TADA2B: variants seen among roughly 807,000 people sequenced by gnomAD.
The protein encoded by TADA2B is transcriptional adaptor 2B, also known as transcriptional adapter 2-beta.
TADA2B carries 13 observed loss-of-function variants against 34.5 expected under a neutral mutation model. The ratio of observed to expected loss-of-function variants is 0.38; its 90% CI spans 0.25 to 0.60. The LOEUF (loss-of-function observed/expected upper bound fraction) is 0.60, where lower values mean the gene tolerates loss of function less well. TADA2B is among the 20% of genes least tolerant of loss of function. TADA2B has a pLI of 0.65. For missense variants in TADA2B, 442 were observed against 575.0 expected, an observed-to-expected ratio of 0.77 and a Z score of 2.37; for synonymous variants, 240 against 243.4, an observed-to-expected ratio of 0.99 and a Z score of 0.13.
intron 1 of TADA2B, among the ~76,000 whole-genome samples, chr4:7,050,097 C>T (rs182355150): frequency 6.6e-5 from 10 of 152,376 alleles, no homozygotes; most frequent in Admixed American, 5.9e-4. Flanking sequence ...GCGGAGTGGC[C>T]AGGCAGGTGA....
chr4:7,050,679 C>T (rs879846102), intron 1 of TADA2B, among the ~76,000 whole-genome samples: 11 of 152,166 alleles, frequency 7.2e-5, no homozygotes, highest in African/African-American at 9.7e-5. Flanking sequence ...TCGGGCACGA[C>T]GCCGGGCGCA....
rs1723843113 is a variant in TADA2B, at chr4:7,054,497, G to C, written c.706G>C (p.Asp236His). 1.2e-6 allele frequency: 2 copies of C among 1,613,772 alleles called. No homozygotes were observed. The highest frequency in any genetic ancestry group is 1.7e-6 in the Non-Finnish European group (2 of 1,179,912). ...TCTGGTGCCAGCCTTCCTGGGGAAG[G>C]ACAAGAAGGAGAAGGAAAAGGCGCT... ...YNLVPAFLGK[D>H]KKEKEKALKR... The change falls in exon 2 of 2, where the codon GAC becomes CAC. Residue 236 changes from aspartate to histidine, a missense_variant. Transcript: ENST00000310074.
intron 1 of TADA2B, among the ~76,000 whole-genome samples, chr4:7,047,596 C>T (rs1445009009): frequency 6.6e-6 from 1 of 152,256 alleles, no homozygotes; most frequent in African/African-American, 2.4e-5. Context: ...TGTGCGCCAG[C>T]CCCTGTGGTG....
Position 7,054,644 on chromosome 4 carries a change from C to T in TADA2B, c.853C>T (p.Arg285Trp). 4 of 1,613,830 alleles carry T rather than the reference C, an allele frequency of 2.5e-6. No homozygotes were observed. Among genetic ancestry groups the T allele is most frequent in the Non-Finnish European group, 2.5e-6 (3 of 1,179,870 alleles). The change falls in exon 2 of 2, where the codon CGG becomes TGG. Residue 285 changes from arginine (R) to tryptophan (W), a missense_variant. This residue lies in a region of TADA2B where 222 missense variants were observed against 235.2 expected (regional missense o/e 0.94). Transcript: ENST00000310074. The stretch of plus-strand genomic sequence containing the variant: ...AAACATGCACAAAGAAAAAATGCTC[C>T]GGGCCAAGATCCGAGAACTGCAGCG... ...FENMHKEKML[R>W]AKIRELQRYR...
Position 7,043,729 on chromosome 4 carries a change from C to G in TADA2B, c.150C>G (p.Gly50=). 5 of 1,589,708 alleles carry G rather than the reference C, an allele frequency of 3.1e-6. No individual in the cohort carries two copies. Among genetic ancestry groups the G allele is most frequent in the Non-Finnish European group, 4.3e-6 (5 of 1,173,524 alleles). Residue 50 remains glycine, a synonymous_variant, in exon 1 of 2, where the codon GGC becomes GGG. Coordinates refer to ENST00000310074, the MANE Select transcript of TADA2B (RefSeq NM_152293.3). ...AEIGHHRRYH[G]YQLVDGGRFT... ...TCGGCCACCACCGCCGCTACCACGG[C>G]TACCAGCTGGTGGACGGCGGGCGCT... is the stretch of plus-strand genomic sequence containing the variant.
intron 1 of TADA2B, among the ~76,000 whole-genome samples, chr4:7,044,551 A>G (rs1723575096): frequency 6.6e-6 from 1 of 152,126 alleles, no homozygotes; most frequent in African/African-American, 2.4e-5. Flanking sequence ...CACTTACGCT[A>G]GCAACATCGT....
intron 1 of TADA2B, among the ~76,000 whole-genome samples, chr4:7,048,693 G>A (rs1292648859): frequency 3.9e-5 from 6 of 152,050 alleles, no homozygotes; most frequent in Non-Finnish European, 8.8e-5. Flanking sequence ...CCAGAATTTT[G>A]TCATCTTGGC....
Position 7,057,921 on chromosome 4 carries a change from C to T in TADA2B, c.*2867C>T, listed in dbSNP as rs1723933668. On this transcript the variant is annotated 3_prime_UTR_variant, in exon 2 of 2. Coordinates refer to ENST00000310074, the MANE Select transcript of TADA2B (RefSeq NM_152293.3). The stretch of plus-strand genomic sequence containing the variant: ...CAACCCTGCCTACCGTTTTGATGAC[C>T]TTTTTCCATATTAAACAAGTTGAGA... The T allele has an allele frequency of 6.6e-6, 1 of 152,048 alleles. No individual in the cohort carries two copies. The highest frequency in any genetic ancestry group is 2.1e-4 in the South Asian group (1 of 4,828). The allele number at this position is 152,048 out of a possible 1,614,324, so 9.4% of individuals were successfully genotyped here. A position where few individuals can be genotyped will look rare whatever the true frequency, so the allele number is the denominator to read the frequency against.
rs1029390038 is a variant in TADA2B at position 7,056,409 on chromosome 4, C to T, written c.*1355C>T. On this transcript the variant is annotated 3_prime_UTR_variant, in exon 2 of 2. Coordinates refer to ENST00000310074, the MANE Select transcript of TADA2B (RefSeq NM_152293.3). ...TTGGCGTGCTCAGACTCCAGCGCTC[C>T]GTTCTTCAAGGAGGTTGACTTGCCT... 1 of 152,606 alleles carries T rather than the reference C, an allele frequency of 6.6e-6. No individual in the cohort carries two copies. The highest frequency in any genetic ancestry group is 2.4e-5 in the African/African-American group (1 of 41,436). 9.5% of individuals were successfully genotyped at this position (152,606 alleles called of 1,614,324 possible). A position where few individuals can be genotyped will look rare whatever the true frequency, so the allele number is the denominator to read the frequency against.
In TADA2B at chr4:7,043,928, A is replaced by G. The variant is rs1203056698; in HGVS notation, c.270+79A>G. On this transcript the variant is annotated intron_variant, in intron 1 of 1. Coordinates refer to ENST00000310074, the MANE Select transcript of TADA2B (RefSeq NM_152293.3). ...CTCTCCTGTAATCGGGCGCGCAGGC[A>G]GCGCTGGACCTGCTCGCTCGCTCCG... 7.9e-6 allele frequency: 11 copies of G among 1,399,006 alleles called. No homozygotes were observed. In the Admixed American group the frequency reaches 2.3e-4, roughly 29 times the overall value. 86.7% of individuals were successfully genotyped at this position (1,399,006 alleles called of 1,614,324 possible). A position where few individuals can be genotyped will look rare whatever the true frequency, so the allele number is the denominator to read the frequency against.
chr4:7,044,151 G>A (rs1382177542), intron 1 of TADA2B, among the ~76,000 whole-genome samples: 3 of 152,236 alleles, frequency 2.0e-5, no homozygotes, highest in Admixed American at 6.5e-5. Context: ...AGGCGTTTGC[G>A]GAGTGCAGAC....
chr4:7,049,379 T>A (rs1723713623), intron 1 of TADA2B, among the ~76,000 whole-genome samples: 1 of 152,208 alleles, frequency 6.6e-6, no homozygotes, highest in Non-Finnish European at 1.5e-5. Context: ...TGTGTGTGAT[T>A]TTGAGGAACC....
At chr4:7,053,943 G>GT in intron 1 of TADA2B, 119 bp from the exon 2 acceptor site, 1 of 1,181,096 alleles carries the variant, frequency 8.5e-7, no homozygotes, top group Non-Finnish European at 1.2e-6. Context: ...GGGAGGGTGG[G>GT]TAACGGTGCT....
chr4:7,050,824 AG>A (rs1723750014), intron 1 of TADA2B, among the ~76,000 whole-genome samples: 1 of 152,216 alleles, frequency 6.6e-6, no homozygotes, highest in Non-Finnish European at 1.5e-5. Context: ...AACATCGGGA[AG>A]CGGCTAGGAC....
chr4:7,054,765 C>T lies in TADA2B; in HGVS notation c.974C>T (p.Ala325Val). 6.2e-7 allele frequency: 1 copy of T among 1,613,922 alleles called. No homozygotes were observed. The highest frequency in any genetic ancestry group is 8.5e-7 in the Non-Finnish European group (1 of 1,179,894). ...REKRKENKNLAGSKRGKEDGK... is the reference protein window; with the variant it reads ...REKRKENKNLVGSKRGKEDGK... ...AAGAGGAAGGAGAACAAAAACCTAGCCGGCTCCAAACGGGGAAAGGAGGAC... is the reference window on the plus strand; with the variant it reads ...AAGAGGAAGGAGAACAAAAACCTAGTCGGCTCCAAACGGGGAAAGGAGGAC... The change falls in exon 2 of 2, where the codon GCC (alanine) becomes GTC (valine). Residue 325 changes from alanine to valine, a missense_variant. By Grantham distance (64) the Ala-to-Val change is moderately conservative. Around this residue, in one of 4 missense-constraint regions of TADA2B, gnomAD observed 114 missense variants for 144.7 expected, o/e 0.79. Transcript: ENST00000310074.
chr4:7,050,384 CACCG>C (rs1723731987), intron 1 of TADA2B, among the ~76,000 whole-genome samples: 1 of 152,260 alleles, frequency 6.6e-6, no homozygotes, highest in Admixed American at 6.5e-5. Flanking sequence ...CCCTCCCTTA[CACCG>C]AGCTCCCTGG....
chr4:7,043,525 G>A lies in TADA2B; in HGVS notation c.-55G>A. The A allele has an allele frequency of 2.9e-6, 3 of 1,027,010 alleles. No homozygotes were observed. The highest frequency in any genetic ancestry group is 3.5e-6 in the Non-Finnish European group (3 of 854,516). 63.6% of individuals were successfully genotyped at this position (1,027,010 alleles called of 1,614,324 possible). A position where few individuals can be genotyped will look rare whatever the true frequency, so the allele number is the denominator to read the frequency against. ...GTCCCGCGGGCGGCGGGGCGCTGAC[G>A]GCCGGGGGCGCGGCGGCTGCGGCGG... On this transcript the variant is annotated 5_prime_UTR_variant, in exon 1 of 2. Transcript: ENST00000310074.
intron 1 of TADA2B, 62 bp from the exon 2 acceptor site, chr4:7,054,000 T>C (rs1723829294): frequency 6.8e-7 from 1 of 1,480,706 alleles, no homozygotes; most frequent in Non-Finnish European, 9.0e-7. Context: ...GAAGAGAATC[T>C]GTGCGGAACC....
At chr4:7,050,901 G>C (rs1044419692) in intron 1 of TADA2B, among the ~76,000 whole-genome samples, 1 of 152,302 alleles carries the variant, frequency 6.6e-6, no homozygotes, top group Admixed American at 6.5e-5. Context: ...TATGCTCCCA[G>C]CCACATTACC....
Sources: allele counts gnomAD v4.1 joint callset (sites outside exome capture counted in the v4.1 genomes callset), GRCh38; gene constraint gnomAD v4.1.1; regional missense constraint gnomAD v4.1.1; transcripts MANE v1.5; gene names NCBI Gene and HGNC (gene_info 2026-07-23, HGNC 2026-07-21).